The following GNA13 variants were observed in gnomAD, a reference collection of about 807,000 sequenced individuals.
GNA13 encodes the protein guanine nucleotide-binding protein subunit alpha-13.
In GNA13, 4 loss-of-function variants were observed where a neutral mutation model predicts 33.5. The ratio of observed to expected loss-of-function variants is 0.12; its 90% CI spans 0.06 to 0.27. The LOEUF (loss-of-function observed/expected upper bound fraction) is 0.27. Among genes scored for constraint, GNA13 ranks in the 10% least tolerant of loss-of-function variants. GNA13 has a pLI of 1.00. For missense variants in GNA13, 319 were observed against 487.2 expected (o/e 0.65, Z 3.25); for synonymous variants, 176 against 183.8 (o/e 0.96, Z 0.34).
chr17:65,033,679 T>C (rs1907138327), intron 2 of GNA13, among the ~76,000 whole-genome samples: 1 of 151,942 alleles, frequency 6.6e-6, no homozygotes, highest in South Asian at 2.1e-4. Flanking sequence ...GAATACACAG[T>C]TCCAAATTTC....
chr17:65,056,364 T>C lies in GNA13; in HGVS notation c.230A>G (p.Asp77Gly). 1 of 1,603,652 alleles carries C rather than the reference T, an allele frequency of 6.2e-7. No homozygotes were observed. Among genetic ancestry groups the C allele is most frequent in the Non-Finnish European group, 8.5e-7 (1 of 1,173,954 alleles). ...QMRIIHGQDF[D>G]QRAREEFRPT... ...GCGGAACTCCTCGCGCGCGCGCTGG[T>C]CGAAGTCCTGCCCGTGGATGATCCG... The change falls in exon 1 of 4, where the codon GAC becomes GGC. Residue 77 changes from aspartate to glycine, a missense_variant. By Grantham distance (94) the Asp-to-Gly change is moderately conservative. Coordinates refer to ENST00000439174, the MANE Select transcript of GNA13 (RefSeq NM_006572.6).
chr17:65,056,239 G>GCCCGGCCCCCCCCCCCC, intron 1 of GNA13, 72 bp downstream of exon 1: 12 of 936,164 alleles, frequency 1.3e-5, no homozygotes, highest in Admixed American at 2.2e-5. Flanking sequence ...CCAGGGCGGT[G>GCCCGGCCCCCCCCCCCC]CCCCGCCCCG....
chr17:65,016,953 C>A lies in GNA13; in HGVS notation c.561+1300G>T, dbSNP rs1373767331. The stretch of plus-strand genomic sequence containing the variant: ...ACGTGCTGTACTTTACATTAACATT[C>A]CCCTACTAGTGGTCATTAAGGTTGT... On this transcript the variant is annotated intron_variant, in intron 3 of 3. Transcript: ENST00000439174. Among the ~76,000 whole-genome samples, 3 of 152,158 alleles carry A rather than the reference C, an allele frequency of 2.0e-5. No individual in the cohort carries two copies. The East Asian group carries it at 5.8e-4, about 29-fold the overall frequency.
Position 65,013,645 on chromosome 17 carries a change from G to A in GNA13, c.*612C>T, listed in dbSNP as rs1360156600. The A allele has an allele frequency of 3.7e-5, 8 of 215,844 alleles. No homozygotes were observed. The Admixed American group carries it at 4.7e-4, about 13-fold the overall frequency. The allele number at this position is 215,844 out of a possible 1,614,324, so 13.4% of individuals were successfully genotyped here. A position where few individuals can be genotyped will look rare whatever the true frequency, so the allele number is the denominator to read the frequency against. ...AGACCAAAGATCCTTATGTAAACTT[G>A]AAAACAGGAAGAACATTACCTTCAG... On this transcript the variant is annotated 3_prime_UTR_variant, in exon 4 of 4. Transcript: ENST00000439174.
intron 2 of GNA13, among the ~76,000 whole-genome samples, chr17:65,050,178 C>A (rs1343004990): frequency 6.6e-6 from 1 of 152,002 alleles, no homozygotes; most frequent in Non-Finnish European, 1.5e-5. Flanking sequence ...GGAGTCCAAG[C>A]AAGAGGTAGC....
chr17:65,017,829 T>TA (rs1906426072), intron 3 of GNA13, among the ~76,000 whole-genome samples: 1 of 152,000 alleles, frequency 6.6e-6, no homozygotes, highest in Non-Finnish European at 1.5e-5. Flanking sequence ...AACAAAAACC[T>TA]CTAAAGATAC....
chr17:65,024,157 G>T (rs1906688086), intron 2 of GNA13, among the ~76,000 whole-genome samples: 1 of 152,178 alleles, frequency 6.6e-6, no homozygotes, highest in Non-Finnish European at 1.5e-5. Context: ...GGAGGGTGAG[G>T]TAGGATCATC....
At chr17:65,015,597 A>G (rs914825773) in intron 3 of GNA13, among the ~76,000 whole-genome samples, 10 of 137,552 alleles carry the variant, frequency 7.3e-5, no homozygotes, top group African/African-American at 2.7e-4. Flanking sequence ...CAGGAGGTGG[A>G]GCTTGCAGTG....
rs1906173055 is a variant in GNA13 at position 65,011,146 on chromosome 17, T to C, written c.*3111A>G. On this transcript the variant is annotated 3_prime_UTR_variant, in exon 4 of 4. Transcript: ENST00000439174. Reference sequence around the variant, plus strand: ...AAATGATAAGGACATATGGTATTTGTTGAATCTAAATCAGCACTTCTAATC... The same window carrying C: ...AAATGATAAGGACATATGGTATTTGCTGAATCTAAATCAGCACTTCTAATC... 1 of 206,570 alleles carries C rather than the reference T, an allele frequency of 4.8e-6. No homozygotes were observed. Among genetic ancestry groups the C allele is most frequent in the Non-Finnish European group, 9.9e-6 (1 of 101,168 alleles). 12.8% of individuals were successfully genotyped at this position (206,570 alleles called of 1,614,324 possible).
At position 65,014,003 on chromosome 17, in the gene GNA13, GT is replaced by G; in HGVS notation, c.*253del. The G allele has an allele frequency of 2.2e-6, 1 of 445,208 alleles. No individual in the cohort carries two copies. Among genetic ancestry groups the G allele is most frequent in the Non-Finnish European group, 4.0e-6 (1 of 249,216 alleles). 27.6% of individuals were successfully genotyped at this position (445,208 alleles called of 1,614,324 possible). On this transcript the variant is annotated 3_prime_UTR_variant, in exon 4 of 4. Transcript: ENST00000439174. This position sits in a 1 kb window ranked among gnomAD's most constrained non-coding sequence, Gnocchi z 5.3. ...TGCCTAGTCTGAGGTCAGCTGGGAG[GT>G]TTTAACTGGACTTGAATAGAAGCCA...
intron 2 of GNA13, among the ~76,000 whole-genome samples, chr17:65,039,655 C>T (rs1367337696): frequency 6.6e-6 from 1 of 152,202 alleles, no homozygotes; most frequent in Non-Finnish European, 1.5e-5. Flanking sequence ...AATGTTGCCT[C>T]CTCAGACCAT....
chr17:65,042,536 A>G (rs557760327), intron 2 of GNA13, among the ~76,000 whole-genome samples: 2 of 152,194 alleles, frequency 1.3e-5, no homozygotes, highest in East Asian at 3.9e-4. Context: ...CAGAAGTTTC[A>G]GACCAGCATG....
chr17:65,028,333 C>T (rs79750510), intron 2 of GNA13, among the ~76,000 whole-genome samples: 1 of 149,340 alleles, frequency 6.7e-6, no homozygotes, highest in African/African-American at 2.5e-5. Flanking sequence ...TGCTTGAATC[C>T]GGGAGGCAGA....
intron 2 of GNA13, among the ~76,000 whole-genome samples, chr17:65,042,977 T>C (rs548703230): frequency 1.3e-5 from 2 of 152,294 alleles, no homozygotes; most frequent in South Asian, 2.1e-4. Context: ...ATATTAATAA[T>C]ATGGTTAATA....
intron 2 of GNA13, among the ~76,000 whole-genome samples, chr17:65,023,458 G>A (rs1906662642): frequency 6.6e-6 from 1 of 152,170 alleles, no homozygotes; most frequent in Non-Finnish European, 1.5e-5. Context: ...TTCTTTTCCT[G>A]AACAAGAACT....
At chr17:65,032,033 T>G (rs1250835335) in intron 2 of GNA13, among the ~76,000 whole-genome samples, 2 of 152,006 alleles carry the variant, frequency 1.3e-5, no homozygotes, top group African/African-American at 4.8e-5. Flanking sequence ...CCTGGAAACA[T>G]CTTGATAAAG....
Position 65,010,423 on chromosome 17 carries a change from C to G in GNA13, c.*3834G>C, listed in dbSNP as rs1426824281. 6.6e-6 allele frequency among the ~76,000 whole-genome samples: 1 copy of G among 151,994 alleles called. No homozygotes were observed. The highest frequency in any genetic ancestry group is 2.4e-5 in the African/African-American group (1 of 41,396). On this transcript the variant is annotated 3_prime_UTR_variant, in exon 4 of 4. Coordinates refer to ENST00000439174, the MANE Select transcript of GNA13 (RefSeq NM_006572.6). Reference sequence around the variant, plus strand: ...ATGTGCTGTATTTGGGACATGCGGACACACCCACACCCACCCACAATCTCT... The same window carrying G: ...ATGTGCTGTATTTGGGACATGCGGAGACACCCACACCCACCCACAATCTCT...
At chr17:65,032,916 G>T (rs1025026700) in intron 2 of GNA13, among the ~76,000 whole-genome samples, 3 of 152,058 alleles carry the variant, frequency 2.0e-5, no homozygotes, top group Admixed American at 6.6e-5. Flanking sequence ...TTCTACACTA[G>T]CCCGGCCAAC....
At chr17:65,049,188 C>T (rs1907774717) in intron 2 of GNA13, among the ~76,000 whole-genome samples, 1 of 152,134 alleles carries the variant, frequency 6.6e-6, no homozygotes, top group South Asian at 2.1e-4. Flanking sequence ...CCACTCACTG[C>T]AACCTCCACC....
Sources: allele counts gnomAD v4.1 joint callset (sites outside exome capture counted in the v4.1 genomes callset), GRCh38; gene constraint gnomAD v4.1.1; non-coding constraint Gnocchi (gnomAD v3.1); transcripts MANE v1.5; gene names NCBI Gene and HGNC (gene_info 2026-07-23, HGNC 2026-07-21).